NRG1: variants seen among roughly 807,000 people sequenced by gnomAD.
NRG1 encodes the protein neuregulin 1, also known as pro-neuregulin-1, membrane-bound isoform.
Under a neutral mutation model 63.8 loss-of-function variants are expected in NRG1, and 18 were observed. The ratio of observed to expected loss-of-function variants is 0.28; its 90% CI spans 0.19 to 0.42. The LOEUF (loss-of-function observed/expected upper bound fraction) is 0.42. Ranked by LOEUF, NRG1 falls within the 10% of genes least tolerant of loss-of-function variation. The probability of loss-of-function intolerance (pLI) is 1.00; values close to 1 mark genes in which losing one functional copy is unlikely to be tolerated. For synonymous variants in NRG1, 302 were observed against 301.3 expected, an observed-to-expected ratio of 1.00 and a Z score of -0.02; for missense variants, 762 against 814.7, an observed-to-expected ratio of 0.94 and a Z score of 0.79.
At chr8:32,547,575 A>G (rs2129522743), upstream of NRG1, among the ~76,000 whole-genome samples, 1 of 149,384 alleles carries the variant, frequency 6.7e-6, no homozygotes, top group East Asian at 2.0e-4. Context: ...GAAGATTTCT[A>G]ACAGGCACTT....
At chr8:32,712,200 T>C (rs896988404) in intron 5 of NRG1, among the ~76,000 whole-genome samples, 2 of 152,182 alleles carry the variant, frequency 1.3e-5, no homozygotes, top group Admixed American at 1.3e-4. Flanking sequence ...TTCATGCTTC[T>C]GGGACAGAAA....
At chr8:32,534,001 A>G (rs557703732) in intron 1 of NRG1, among the ~76,000 whole-genome samples, 1 of 152,212 alleles carries the variant, frequency 6.6e-6, no homozygotes, top group South Asian at 2.1e-4. Flanking sequence ...TGGAAATAGA[A>G]CTGTAATTTT....
At chr8:32,659,650 A>G (rs780318433) in intron 5 of NRG1, among the ~76,000 whole-genome samples, 19 of 152,178 alleles carry the variant, frequency 1.2e-4, no homozygotes, top group Non-Finnish European at 1.9e-4. Context: ...CACGTATCTC[A>G]TAAACTCTCT....
intron 1 of NRG1, among the ~76,000 whole-genome samples, chr8:31,890,982 C>T (rs1459964373): frequency 1.3e-5 from 2 of 152,298 alleles, no homozygotes; most frequent in East Asian, 1.9e-4. Context: ...CTAAGTCTTA[C>T]ACCTTACACA....
Position 32,114,885 on chromosome 8 carries a change from T to C in NRG1, c.37+475454T>C, listed in dbSNP as rs560007989. The stretch of plus-strand genomic sequence containing the variant: ...TGACAAGACAAATGTCTGTTTCTAC[T>C]ACTGCAGAGGATAGAGTTTAACCAA... On this transcript the variant is annotated intron_variant, in intron 1 of 10. Coordinates refer to the NRG1 transcript ENST00000519301. 2.6e-5 allele frequency among the ~76,000 whole-genome samples: 4 copies of C among 152,270 alleles called. No individual in the cohort carries two copies. The East Asian group carries it at 7.7e-4, about 29-fold the overall frequency.
At chr8:31,756,579 G>A (rs1816987914) in intron 1 of NRG1, among the ~76,000 whole-genome samples, 1 of 152,116 alleles carries the variant, frequency 6.6e-6, no homozygotes, top group African/African-American at 2.4e-5. Flanking sequence ...CTCCTTCCAA[G>A]CTTAGATGAC....
At chr8:32,412,395 CT>C (rs1410165583) in intron 1 of NRG1, among the ~76,000 whole-genome samples, 1 of 92,784 alleles carries the variant, frequency 1.1e-5, no homozygotes, top group Non-Finnish European at 2.2e-5. Context: ...CTTTCTCTCT[CT>C]CTCCTCTCTC....
chr8:32,326,752 A>G (rs1217814187), intron 1 of NRG1, among the ~76,000 whole-genome samples: 1 of 152,218 alleles, frequency 6.6e-6, no homozygotes, highest in Non-Finnish European at 1.5e-5. Context: ...AAAATTAGAA[A>G]CATAGAGTTA....
chr8:31,643,496 G>A (rs555235110), intron 1 of NRG1, among the ~76,000 whole-genome samples: 90 of 152,214 alleles, frequency 5.9e-4, no homozygotes, highest in African/African-American at 1.9e-3. Flanking sequence ...TATAAACTCC[G>A]GAATAATGTC....
intron 1 of NRG1, among the ~76,000 whole-genome samples, chr8:31,749,793 A>G (rs1021881402): frequency 5.3e-5 from 8 of 151,660 alleles, no homozygotes; most frequent in South Asian, 4.1e-4. Flanking sequence ...GATTACATAT[A>G]TCAGATAGAA....
chr8:31,930,819 G>A (rs1328335710), intron 1 of NRG1, among the ~76,000 whole-genome samples: 3 of 152,054 alleles, frequency 2.0e-5, no homozygotes, highest in Admixed American at 6.5e-5. Flanking sequence ...AATTTGAACT[G>A]CACTATATGA....
chr8:31,872,762 A>G (rs1348312792), intron 1 of NRG1, among the ~76,000 whole-genome samples: 2 of 152,244 alleles, frequency 1.3e-5, no homozygotes, highest in Non-Finnish European at 2.9e-5. Context: ...TCATCCATTC[A>G]AAACATTTTG....
At chr8:32,474,253 GC>G (rs1824201860) in intron 1 of NRG1, among the ~76,000 whole-genome samples, 1 of 152,058 alleles carries the variant, frequency 6.6e-6, no homozygotes, top group Non-Finnish European at 1.5e-5. Flanking sequence ...TAACAATATT[GC>G]CCATTCCTCA....
At position 32,063,868 on chromosome 8, in the gene NRG1, C is replaced by T. The variant is rs577613699; in HGVS notation, c.37+424437C>T. ...ACATTTCATATTGTGTTTAATAAAA[C>T]GCAAACATTTTATTACTTACAGGTC... On this transcript the variant is annotated intron_variant, in intron 1 of 10. Transcript: ENST00000519301. Among the ~76,000 whole-genome samples, 21 of 151,768 alleles carry T rather than the reference C, an allele frequency of 1.4e-4. No individual in the cohort carries two copies. In the South Asian group the frequency reaches 3.5e-3, roughly 26 times the overall value.
intron 1 of NRG1, among the ~76,000 whole-genome samples, chr8:32,090,559 G>A (rs540981783): frequency 1.2e-4 from 19 of 152,286 alleles, no homozygotes; most frequent in Non-Finnish European, 2.5e-4. Flanking sequence ...GACCTCAGGT[G>A]TTCTGCCGGC....
chr8:32,541,992 G>A (rs1687507670), intron 1 of NRG1, among the ~76,000 whole-genome samples: 1 of 152,106 alleles, frequency 6.6e-6, no homozygotes, highest in South Asian at 2.1e-4. Context: ...TTATGCCTAG[G>A]ACAAGAAGTT....
chr8:31,929,561 G>T (rs1273162385), intron 1 of NRG1, among the ~76,000 whole-genome samples: 1 of 151,880 alleles, frequency 6.6e-6, no homozygotes. Flanking sequence ...TTGCAATGGT[G>T]CATATGTGCT....
intron 1 of NRG1, among the ~76,000 whole-genome samples, chr8:31,736,929 A>G (rs1814733353): frequency 6.6e-6 from 1 of 152,146 alleles, no homozygotes; most frequent in African/African-American, 2.4e-5. Flanking sequence ...TACCTCTGAG[A>G]CCCATTGTAA....
At position 32,603,663 on chromosome 8, in the gene NRG1, G is replaced by A. The variant is rs1008425295; in HGVS notation, c.279-1899G>A. 3.3e-5 allele frequency among the ~76,000 whole-genome samples: 5 copies of A among 152,076 alleles called. No individual in the cohort carries two copies. The South Asian group carries it at 6.2e-4, about 19-fold the overall frequency. On this transcript the variant is annotated intron_variant, in intron 2 of 11. Coordinates refer to ENST00000356819, the Ensembl canonical transcript of NRG1. ...GGCTAATTTTTGTATTTTTAGTAGC[G>A]ACAGGGTTTCACTATTTTGGCCAGG... is the stretch of plus-strand genomic sequence containing the variant.
Sources: allele counts gnomAD v4.1 joint callset (sites outside exome capture counted in the v4.1 genomes callset), GRCh38; gene constraint gnomAD v4.1.1; transcripts MANE v1.5; gene names NCBI Gene and HGNC (gene_info 2026-07-23, HGNC 2026-07-21).